Variants in TCF4 observed in about 807,000 individuals in gnomAD.
The protein encoded by TCF4 is SL3-3 enhancer factor 2.
Under a neutral mutation model 82.1 loss-of-function variants are expected in TCF4, and 3 were observed. The ratio of observed to expected loss-of-function variants is 0.04; its 90% CI spans 0.02 to 0.09. The LOEUF (loss-of-function observed/expected upper bound fraction) is 0.09. Ranked by LOEUF, TCF4 falls within the 10% of genes least tolerant of loss-of-function variation. The probability of loss-of-function intolerance (pLI) is 1.00; values close to 1 mark genes in which losing one functional copy is unlikely to be tolerated. For missense variants in TCF4, 518 were observed against 852.7 expected (o/e 0.61, Z 4.89); for synonymous variants, 276 against 309.6 (o/e 0.89, Z 1.14).
At chr18:55,610,331 C>G (rs750345208) in intron 2 of TCF4, among the ~76,000 whole-genome samples, 1 of 152,114 alleles carries the variant, frequency 6.6e-6, no homozygotes, top group Non-Finnish European at 1.5e-5. Context: ...CTTACTCCTG[C>G]GGGTTAATTT....
At chr18:55,617,490 A>AG (rs1463425102) in intron 2 of TCF4, among the ~76,000 whole-genome samples, 1 of 152,044 alleles carries the variant, frequency 6.6e-6, no homozygotes, top group Non-Finnish European at 1.5e-5. Flanking sequence ...GAATTTTTAT[A>AG]GGGGTTCCTT....
chr18:55,480,296 A>AAAAGG (rs1568175293), intron 3 of TCF4, among the ~76,000 whole-genome samples: 4 of 63,352 alleles, frequency 6.3e-5, no homozygotes, highest in South Asian at 6.2e-4. Flanking sequence ...AAAAAAAAAA[A>AAAAGG]GCGGGGGGGC....
At chr18:55,298,425 A>C (rs1373222028) in intron 8 of TCF4, among the ~76,000 whole-genome samples, 1 of 152,202 alleles carries the variant, frequency 6.6e-6, no homozygotes, top group Non-Finnish European at 1.5e-5. Flanking sequence ...GTGACCCACC[A>C]TGTTCGAAGA....
At chr18:55,365,156 AATATATATATATATATATAT>A (rs139574594) in intron 6 of TCF4, among the ~76,000 whole-genome samples, 11 of 83,538 alleles carry the variant, frequency 1.3e-4, no homozygotes, top group South Asian at 4.6e-4. Flanking sequence ...CCATCTCCAA[AATATATATATATATATATAT>A]ATATATATAT....
At chr18:55,610,810 T>C (rs2097706321) in intron 2 of TCF4, among the ~76,000 whole-genome samples, 1 of 152,148 alleles carries the variant, frequency 6.6e-6, no homozygotes, top group African/African-American at 2.4e-5. Flanking sequence ...TGCTTTGCAA[T>C]TTCAACAGCA....
At chr18:55,546,583 T>C (rs2097209308) in intron 3 of TCF4, among the ~76,000 whole-genome samples, 1 of 152,078 alleles carries the variant, frequency 6.6e-6, no homozygotes, top group Non-Finnish European at 1.5e-5. Flanking sequence ...TTTCTATTTG[T>C]TTTTCAATAA....
intron 8 of TCF4, among the ~76,000 whole-genome samples, chr18:55,336,426 T>C (rs1456785243): frequency 2.0e-5 from 3 of 152,018 alleles, no homozygotes; most frequent in Non-Finnish European, 4.4e-5. Flanking sequence ...GATCTTTAAC[T>C]AGAAAATACA....
chr18:55,369,159 G>C (rs1300573781), intron 6 of TCF4, among the ~76,000 whole-genome samples: 1 of 152,136 alleles, frequency 6.6e-6, no homozygotes, highest in Non-Finnish European at 1.5e-5. Context: ...TGTGTGTATT[G>C]AAACCTTCCC....
intron 3 of TCF4, among the ~76,000 whole-genome samples, chr18:55,514,952 G>A (rs996987863): frequency 1.3e-5 from 2 of 151,960 alleles, no homozygotes; most frequent in Non-Finnish European, 2.9e-5. Context: ...ATTTGTGCCA[G>A]GCATAATGCT....
chr18:55,329,051 G>A (rs893111635), intron 8 of TCF4, among the ~76,000 whole-genome samples: 3 of 152,114 alleles, frequency 2.0e-5, no homozygotes, highest in Admixed American at 6.5e-5. Context: ...CTGACAAACG[G>A]AATGAAAAGA....
intron 8 of TCF4, among the ~76,000 whole-genome samples, chr18:55,281,127 A>G (rs1221516075): frequency 6.6e-6 from 1 of 152,170 alleles, no homozygotes; most frequent in African/African-American, 2.4e-5. Context: ...CACATTTTAA[A>G]TGTATAAACA....
chr18:55,457,525 G>A (rs925781652), intron 5 of TCF4, among the ~76,000 whole-genome samples: 9 of 151,692 alleles, frequency 5.9e-5, no homozygotes, highest in African/African-American at 2.2e-4. Context: ...CTCACTTATT[G>A]CCCAGGTTGG....
chr18:55,254,690 A>G lies in TCF4; in HGVS notation c.1157T>C (p.Ile386Thr), dbSNP rs143594544. ...ATCCAGTCTTTCTAAACGATCTTCAATTCGGCTTTGCTGTTGGTTAACAAA... is the reference window on the plus strand; with the variant it reads ...ATCCAGTCTTTCTAAACGATCTTCAGTTCGGCTTTGCTGTTGGTTAACAAA... ...EGPLHSLQSR[I>T]EDRLERLDDA... Residue 386 changes from isoleucine (I) to threonine (T), a missense_variant, in exon 15 of 20, where the codon ATT (isoleucine) becomes ACT (threonine). By Grantham distance (89) the Ile-to-Thr change is moderately conservative. Around this residue, in one of 7 missense-constraint regions of TCF4, gnomAD observed 211 missense variants for 327.4 expected, o/e 0.64. Coordinates refer to ENST00000354452, the MANE Select transcript of TCF4 (RefSeq NM_001083962.2). The G allele has an allele frequency of 1.1e-5, 17 of 1,610,580 alleles. No individual in the cohort carries two copies. Among genetic ancestry groups the G allele is most frequent in the African/African-American group, 8.0e-5 (6 of 74,876 alleles).
At chr18:55,489,963 T>C (rs958863984) in intron 3 of TCF4, among the ~76,000 whole-genome samples, 9 of 152,228 alleles carry the variant, frequency 5.9e-5, no homozygotes. Flanking sequence ...GAGCACACAG[T>C]GCCAGCTCCT....
At chr18:55,486,722 C>T (rs992414039) in intron 3 of TCF4, among the ~76,000 whole-genome samples, 14 of 151,698 alleles carry the variant, frequency 9.2e-5, no homozygotes, top group African/African-American at 1.5e-4. Flanking sequence ...CAAAGGGTAA[C>T]GCTTTAACTC....
At chr18:55,489,924 T>C (rs1263671431) in intron 3 of TCF4, among the ~76,000 whole-genome samples, 1 of 152,194 alleles carries the variant, frequency 6.6e-6, no homozygotes, top group Non-Finnish European at 1.5e-5. Flanking sequence ...TCAGACCACA[T>C]TCAAAGCAGG....
chr18:55,502,683 T>C (rs2096713630), intron 3 of TCF4, among the ~76,000 whole-genome samples: 11 of 152,192 alleles, frequency 7.2e-5, no homozygotes, highest in Non-Finnish European at 1.5e-5. Flanking sequence ...AATATAAAAT[T>C]ACTATTTTAT....
chr18:55,529,729 A>T (rs149271095), intron 3 of TCF4, among the ~76,000 whole-genome samples: 2 of 152,164 alleles, frequency 1.3e-5, no homozygotes, highest in Non-Finnish European at 2.9e-5. Context: ...CTACAGTAAC[A>T]CATTTCTAAA....
chr18:55,528,369 A>G (rs1406509913), intron 3 of TCF4, among the ~76,000 whole-genome samples: 1 of 152,174 alleles, frequency 6.6e-6, no homozygotes, highest in African/African-American at 2.4e-5. Context: ...CATCACCATA[A>G]TCCAAACCAT....
Sources: gnomAD v4.1 joint callset for allele counts (sites outside exome capture counted in the v4.1 genomes callset) on GRCh38, gnomAD v4.1.1 for gene constraint, gnomAD v4.1.1 regional missense constraint, MANE v1.5 for transcripts, NCBI Gene and HGNC (gene_info 2026-07-23, HGNC 2026-07-21) for gene names.